The following VEPH1 variants were observed in gnomAD, a reference collection of about 807,000 sequenced individuals.
VEPH1 encodes ventricular zone-expressed PH domain-containing protein homolog 1.
A neutral mutation model predicts 85.2 loss-of-function variants in VEPH1; 80 were observed. The ratio of observed to expected loss-of-function variants is 0.94; its 90% CI spans 0.78 to 1.13. The LOEUF (loss-of-function observed/expected upper bound fraction) is 1.13. Ranked by LOEUF, VEPH1 falls within the 50% of genes most tolerant of loss-of-function variation. VEPH1 has a pLI of 0.00. For missense variants in VEPH1, 955 were observed against 980.5 expected (o/e 0.97, Z 0.35); for synonymous variants, 297 against 348.0 (o/e 0.85, Z 1.63).
intron 4 of VEPH1, chr3:157,437,879 T>C (rs909795858): frequency 1.5e-5 from 22 of 1,514,908 alleles, no homozygotes; most frequent in East Asian, 2.6e-5. Flanking sequence ...CTGCACGCGG[T>C]GCAGGGCTGG....
intron 6 of VEPH1, among the ~76,000 whole-genome samples, chr3:157,387,735 C>A (rs1022519657): frequency 6.6e-6 from 1 of 152,200 alleles, no homozygotes; most frequent in African/African-American, 2.4e-5. Context: ...ACATTAGAAT[C>A]CCCTGGAAAG....
At chr3:157,271,651 C>T (rs1330486373) in intron 12 of VEPH1, among the ~76,000 whole-genome samples, 1 of 152,110 alleles carries the variant, frequency 6.6e-6, no homozygotes, top group Non-Finnish European at 1.5e-5. Flanking sequence ...CTCTCTCCTC[C>T]CTCCCTCTGC....
chr3:157,271,149 G>C (rs2108282903), intron 12 of VEPH1, among the ~76,000 whole-genome samples: 1 of 152,268 alleles, frequency 6.6e-6, no homozygotes, highest in African/African-American at 2.4e-5. Context: ...GTCAATTCAA[G>C]GCTTTCTAGG....
At chr3:157,463,028 T>C (rs1371579190) in intron 3 of VEPH1, among the ~76,000 whole-genome samples, 1 of 152,198 alleles carries the variant, frequency 6.6e-6, no homozygotes, top group Non-Finnish European at 1.5e-5. Context: ...AGAAACTGTA[T>C]GAGACTCAAG....
chr3:157,316,413 G>T (rs556474696), intron 10 of VEPH1, among the ~76,000 whole-genome samples: 1 of 151,234 alleles, frequency 6.6e-6, no homozygotes, highest in South Asian at 2.1e-4. Context: ...GGGGTCAGAC[G>T]ATCTGAGTTC....
chr3:157,386,825 T>C (rs368458995), intron 6 of VEPH1, among the ~76,000 whole-genome samples: 1 of 152,214 alleles, frequency 6.6e-6, no homozygotes, highest in Admixed American at 6.5e-5. Context: ...GCACTTGCAG[T>C]TTAAACCACC....
chr3:157,326,994 T>C (rs554552172), intron 9 of VEPH1, among the ~76,000 whole-genome samples: 2 of 152,214 alleles, frequency 1.3e-5, no homozygotes, highest in South Asian at 4.2e-4. Flanking sequence ...GAATTCACCA[T>C]AGTGAGGCAA....
At chr3:157,427,585 C>T (rs1732846855) in intron 5 of VEPH1, among the ~76,000 whole-genome samples, 1 of 152,024 alleles carries the variant, frequency 6.6e-6, no homozygotes, top group African/African-American at 2.4e-5. Flanking sequence ...CCTCCTGAGT[C>T]GCTGGGACTA....
intron 7 of VEPH1, among the ~76,000 whole-genome samples, chr3:157,377,443 G>A (rs545425846): frequency 6.6e-6 from 1 of 151,728 alleles, no homozygotes; most frequent in Admixed American, 6.6e-5. Flanking sequence ...TTTTCATGGG[G>A]AAATTGTTCA....
intron 11 of VEPH1, among the ~76,000 whole-genome samples, chr3:157,295,669 G>C (rs1217982012): frequency 9.2e-5 from 14 of 152,052 alleles, no homozygotes; most frequent in Admixed American, 8.5e-4. Context: ...AGTAAACTAC[G>C]GTTGGTCAGG....
intron 11 of VEPH1, among the ~76,000 whole-genome samples, chr3:157,301,069 T>C (rs1718738641): frequency 6.6e-6 from 1 of 152,336 alleles, no homozygotes; most frequent in Non-Finnish European, 1.5e-5. Flanking sequence ...TGATACTACA[T>C]AAACTGTGAT....
Position 157,413,924 on chromosome 3 carries a change from C to A in VEPH1, c.863G>T (p.Gly288Val), listed in dbSNP as rs1261316415. 2 of 1,613,634 alleles carry A rather than the reference C, an allele frequency of 1.2e-6. No individual in the cohort carries two copies. Among genetic ancestry groups the A allele is most frequent in the Admixed American group, 1.7e-5 (1 of 59,980 alleles). The change falls in exon 6 of 14, where the codon GGA becomes GTA. Residue 288 changes from glycine (G) to valine (V), a missense_variant. Physicochemically the swap from Gly to Val is moderately radical, Grantham distance 109. Transcript: ENST00000362010. Reference protein sequence around the residue: ...EIGERFPYLTGQMARIYGAVG... With the variant: ...EIGERFPYLTVQMARIYGAVG... ...AGCTCCATAAATCCTTGCCATCTGT[C>A]CAGTGAGGTAGGGGAATCTCTCACC... is the stretch of plus-strand genomic sequence containing the variant.
chr3:157,303,335 A>C (rs777564214), intron 11 of VEPH1, among the ~76,000 whole-genome samples: 1 of 152,112 alleles, frequency 6.6e-6, no homozygotes, highest in Non-Finnish European at 1.5e-5. Context: ...TTCTTAGTGT[A>C]TTGCTTGTTT....
chr3:157,365,402 TTTAC>T (rs1726530121), intron 7 of VEPH1, among the ~76,000 whole-genome samples: 1 of 152,220 alleles, frequency 6.6e-6, no homozygotes, highest in African/African-American at 2.4e-5. Context: ...AGGAATTATT[TTTAC>T]TTACCACACT....
At chr3:157,264,445 G>A (rs1006012067) in intron 13 of VEPH1, among the ~76,000 whole-genome samples, 6 of 152,036 alleles carry the variant, frequency 3.9e-5, no homozygotes, top group Non-Finnish European at 5.9e-5. Context: ...AGTAAATCTC[G>A]TATATGTCTT....
At chr3:157,341,169 G>C (rs1414603826) in intron 9 of VEPH1, among the ~76,000 whole-genome samples, 1 of 152,232 alleles carries the variant, frequency 6.6e-6, no homozygotes, top group African/African-American at 2.4e-5. Flanking sequence ...AACAAAGCTG[G>C]ATGGAGAATG....
intron 6 of VEPH1, among the ~76,000 whole-genome samples, chr3:157,396,403 T>G (rs1730386887): frequency 6.6e-6 from 1 of 152,228 alleles, no homozygotes. Flanking sequence ...GTGAACATCC[T>G]AGTGCATGTA....
intron 7 of VEPH1, among the ~76,000 whole-genome samples, chr3:157,371,694 A>C (rs1346756705): frequency 6.6e-6 from 1 of 152,254 alleles, no homozygotes; most frequent in African/African-American, 2.4e-5. Flanking sequence ...CTTTTTCCTC[A>C]AGCAAGGCTG....
chr3:157,416,430 A>C (rs905795860), intron 5 of VEPH1, among the ~76,000 whole-genome samples: 1 of 152,212 alleles, frequency 6.6e-6, no homozygotes, highest in African/African-American at 2.4e-5. Context: ...CTGCCTGTGC[A>C]TTAGGGAGCA....
Sources: allele counts gnomAD v4.1 joint callset (sites outside exome capture counted in the v4.1 genomes callset), GRCh38; gene constraint gnomAD v4.1.1; transcripts MANE v1.5; gene names NCBI Gene and HGNC (gene_info 2026-07-23, HGNC 2026-07-21).